Variants in XPO4 observed in about 807,000 individuals in gnomAD.
XPO4 encodes the protein exportin-4.
In XPO4, 39 loss-of-function variants were observed where a neutral mutation model predicts 143.0. The ratio of observed to expected loss-of-function variants is 0.27; its 90% confidence interval spans 0.21 to 0.36. The LOEUF (loss-of-function observed/expected upper bound fraction) is 0.36. Among genes scored for constraint, XPO4 ranks in the 10% least tolerant of loss-of-function variants. The pLI, the probability that XPO4 is intolerant of heterozygous loss-of-function variation, is 1.00. For missense variants in XPO4, 907 were observed against 1,348.0 expected, an observed-to-expected ratio of 0.67 and a Z score of 5.12; for synonymous variants, 439 against 474.0, an observed-to-expected ratio of 0.93 and a Z score of 0.96.
chr13:20,781,467 T>C lies in XPO4; in HGVS notation c.*2255A>G, dbSNP rs774481364. The C allele has an allele frequency of 4.6e-5, 7 of 152,746 alleles. No homozygotes were observed. Among genetic ancestry groups the C allele is most frequent in the Non-Finnish European group, 7.3e-5 (5 of 68,034 alleles). The allele number at this position is 152,746 out of a possible 1,614,324, so 9.5% of individuals were successfully genotyped here. On this transcript the variant is annotated 3_prime_UTR_variant, in exon 23 of 23. Transcript: ENST00000255305. ...CATTCTGCTGATCTTATAAGTATTA[T>C]TTGGTCCAATCTGAAGAAGGTCTTT...
intron 19 of XPO4, among the ~76,000 whole-genome samples, chr13:20,789,537 G>A (rs1448229883): frequency 6.6e-6 from 1 of 151,754 alleles, no homozygotes; most frequent in Non-Finnish European, 1.5e-5. Context: ...TGGGACTACA[G>A]GCGCCCACCA....
intron 2 of XPO4, chr13:20,863,151 A>G: frequency 1.9e-6 from 2 of 1,031,598 alleles, no homozygotes; most frequent in African/African-American, 3.4e-5. Flanking sequence ...TTTAAAAAAA[A>G]TAAAAATAAA....
chr13:20,902,562 C>A (rs966856296), intron 1 of XPO4, 108 bp downstream of exon 1: 155 of 1,330,754 alleles, frequency 1.2e-4, no homozygotes, highest in Middle Eastern at 4.5e-4. Flanking sequence ...CTTCCAGGCT[C>A]CCTGCAGGCC....
intron 1 of XPO4, chr13:20,869,519 A>C: frequency 1.0e-6 from 1 of 962,428 alleles, no homozygotes; most frequent in Non-Finnish European, 1.2e-6. Flanking sequence ...ACCATTGAAT[A>C]AAGAGGGCAA....
intron 9 of XPO4, among the ~76,000 whole-genome samples, chr13:20,820,109 T>G (rs1394108220): frequency 6.6e-6 from 1 of 152,048 alleles, no homozygotes; most frequent in Non-Finnish European, 1.5e-5. Flanking sequence ...ATTAAAAGAG[T>G]AAAATAAATG....
rs2059746614 is a variant in XPO4 at position 20,823,574 on chromosome 13, TTTC to T, written c.841-1288_841-1286del. Reference sequence around the variant, plus strand: ...TGTGAGCTAAGAATGGTTGTGTTTTTTTCTTTTTTCCATTTTTGTATGGTTGGG... The same window carrying T: ...TGTGAGCTAAGAATGGTTGTGTTTTTTTTTTTCCATTTTTGTATGGTTGGG... On this transcript the variant is annotated intron_variant, in intron 7 of 22. Coordinates refer to ENST00000255305, the MANE Select transcript of XPO4 (RefSeq NM_022459.5). Among the ~76,000 whole-genome samples the T allele has an allele frequency of 2.7e-5, 4 of 150,866 alleles. No homozygotes were observed. In the South Asian group the frequency reaches 8.4e-4, roughly 32 times the overall value.
At chr13:20,851,718 A>G in intron 4 of XPO4, 1 of 792,702 alleles carries the variant, frequency 1.3e-6, no homozygotes, top group Non-Finnish European at 1.5e-6. Flanking sequence ...TCACAAAAAA[A>G]AAAAAAAAAA....
intron 4 of XPO4, among the ~76,000 whole-genome samples, chr13:20,847,225 A>T (rs1286032030): frequency 6.6e-6 from 1 of 152,228 alleles, no homozygotes; most frequent in African/African-American, 2.4e-5. Flanking sequence ...ACTTCAACAC[A>T]TATCAACAAA....
chr13:20,821,842 G>A lies in XPO4; in HGVS notation c.1035C>T (p.Ser345=). The part of the protein sequence containing the change: ...EIEDSEAVGI[S]SIISNLITVF... ...CGGTTATCAGGTTGCTGATAATGCT[G>A]GAGATCCCCACAGCTTCAGAATCTT... Residue 345 remains serine (S), a synonymous_variant, in exon 9 of 23, where the codon TCC becomes TCT. Transcript: ENST00000255305. The A allele has an allele frequency of 1.2e-6, 2 of 1,613,808 alleles. No homozygotes were observed. The highest frequency in any genetic ancestry group is 1.7e-6 in the Non-Finnish European group (2 of 1,179,852).
At chr13:20,819,881 C>T (rs1320298181) in intron 9 of XPO4, among the ~76,000 whole-genome samples, 1 of 152,092 alleles carries the variant, frequency 6.6e-6, no homozygotes, top group African/African-American at 2.4e-5. Context: ...CAACGGAAAC[C>T]GCTTGAGGTT....
At chr13:20,793,770 C>T (rs1345470544) in intron 18 of XPO4, among the ~76,000 whole-genome samples, 1 of 152,184 alleles carries the variant, frequency 6.6e-6, no homozygotes, top group Non-Finnish European at 1.5e-5. Context: ...AAACATTTCA[C>T]CCTTAACCAA....
chr13:20,882,394 G>A (rs554680618), intron 1 of XPO4, among the ~76,000 whole-genome samples: 22 of 152,202 alleles, frequency 1.4e-4, no homozygotes, highest in African/African-American at 4.8e-4. Flanking sequence ...ATATCATATG[G>A]CAAGAAAGAA....
chr13:20,869,389 TAA>T (rs919638190), intron 1 of XPO4: 2 of 403,682 alleles, frequency 5.0e-6, no homozygotes, highest in African/African-American at 2.2e-5. Context: ...CAGATCTACC[TAA>T]AACGTACATT....
In XPO4 at chr13:20,850,942, C is replaced by T. The variant is rs568512485; in HGVS notation, c.456+4685G>A. 8.1e-6 allele frequency: 8 copies of T among 985,390 alleles called. No homozygotes were observed. In the African/African-American group the frequency reaches 1.4e-4, roughly 17 times the overall value. The allele number at this position is 985,390 out of a possible 1,614,324, so 61.0% of individuals were successfully genotyped here. A position where few individuals can be genotyped will look rare whatever the true frequency, so the allele number is the denominator to read the frequency against. Reference sequence around the variant, plus strand: ...ATGAAGTCAACCCTTTCTTCATCTACAGAAAACCTTTAGTTAATTTTTTCT... The same window carrying T: ...ATGAAGTCAACCCTTTCTTCATCTATAGAAAACCTTTAGTTAATTTTTTCT... On this transcript the variant is annotated intron_variant, in intron 4 of 22. Coordinates refer to ENST00000255305, the MANE Select transcript of XPO4 (RefSeq NM_022459.5).
At chr13:20,873,619 T>C (rs2060323502) in intron 1 of XPO4, among the ~76,000 whole-genome samples, 1 of 152,104 alleles carries the variant, frequency 6.6e-6, no homozygotes, top group African/African-American at 2.4e-5. Context: ...AATTGTCAAA[T>C]CCTACAAATC....
chr13:20,792,615 C>G (rs910678038), intron 18 of XPO4, among the ~76,000 whole-genome samples: 1 of 149,032 alleles, frequency 6.7e-6, no homozygotes, highest in Non-Finnish European at 1.5e-5. Context: ...GGCCTGGTGG[C>G]GGGTTCCTAT....
chr13:20,870,687 G>T (rs892337603), intron 1 of XPO4, among the ~76,000 whole-genome samples: 1 of 149,956 alleles, frequency 6.7e-6, no homozygotes. Flanking sequence ...TCAAGATCGC[G>T]CCACTGCACT....
chr13:20,874,276 T>C (rs1275975691), intron 1 of XPO4, among the ~76,000 whole-genome samples: 1 of 152,246 alleles, frequency 6.6e-6, no homozygotes, highest in African/African-American at 2.4e-5. Context: ...TACTGGTAGA[T>C]ATGAAATAAG....
Position 20,809,078 on chromosome 13 carries a change from T to C in XPO4, c.1493+5A>G, listed in dbSNP as rs2059542819. 6.2e-7 allele frequency: 1 copy of C among 1,613,156 alleles called. No individual in the cohort carries two copies. The highest frequency in any genetic ancestry group is 1.3e-5 in the African/African-American group (1 of 74,928). The stretch of plus-strand genomic sequence containing the variant: ...CTCCATGGGGTTTCTTTGGACTGTG[T>C]GTACCTTGTCAGAAGAGGTATACAG... On this transcript the variant is annotated splice_donor_5th_base_variant and intron_variant, in intron 11 of 22. Transcript: ENST00000255305.
Sources: gnomAD v4.1 joint callset for allele counts (sites outside exome capture counted in the v4.1 genomes callset) on GRCh38, gnomAD v4.1.1 for gene constraint, MANE v1.5 for transcripts, NCBI Gene and HGNC (gene_info 2026-07-23, HGNC 2026-07-21) for gene names.